SHANK2: variants seen among roughly 807,000 people sequenced by gnomAD.
The protein encoded by SHANK2 is SH3 and multiple ankyrin repeat domains protein 2.
SHANK2 carries 43 observed loss-of-function variants against 133.7 expected under a neutral mutation model. The observed-to-expected ratio is 0.32, with a 90% CI of 0.25 to 0.41. The LOEUF (loss-of-function observed/expected upper bound fraction) is 0.41, where lower values mean the gene tolerates loss of function less well. Among genes scored for constraint, SHANK2 ranks in the 10% least tolerant of loss-of-function variants. SHANK2 has a pLI of 1.00. For missense variants in SHANK2, 1,994 were observed against 2,235.8 expected, an observed-to-expected ratio of 0.89 and a Z score of 2.18; for synonymous variants, 1,017 against 952.8, an observed-to-expected ratio of 1.07 and a Z score of -1.24.
intron 10 of SHANK2, among the ~76,000 whole-genome samples, chr11:70,921,523 C>T (rs554459384): frequency 1.3e-4 from 20 of 152,324 alleles, no homozygotes; most frequent in African/African-American, 4.3e-4. Flanking sequence ...ATGAGGCATT[C>T]GGCTGCTTTT....
rs141671542 is a variant in SHANK2 at position 71,153,060 on chromosome 11, C to T, written c.-12-5722G>A. Among the ~76,000 whole-genome samples the T allele has an allele frequency of 7.3e-3, 1,119 of 152,254 alleles. 15 individuals carry two copies. The highest frequency in any genetic ancestry group is 0.026 in the African/African-American group (1,070 of 41,548). On this transcript the variant is annotated intron_variant, in intron 2 of 25. Transcript: ENST00000601538. ...TCTGAAATTCAGGCAGAACTGGATG[C>T]GCTGCGTTTTATCTGGCAACACCAT...
intron 10 of SHANK2, among the ~76,000 whole-genome samples, chr11:70,919,748 T>A (rs1175336246): frequency 2.0e-5 from 3 of 152,140 alleles, no homozygotes; most frequent in Non-Finnish European, 4.4e-5. Context: ...ACCCCAGCCC[T>A]CTCCCCAACC....
At chr11:70,618,708 T>C (rs1463924794) in intron 17 of SHANK2, among the ~76,000 whole-genome samples, 4 of 152,222 alleles carry the variant, frequency 2.6e-5, no homozygotes, top group Admixed American at 2.0e-4. Context: ...AATCAGCCCA[T>C]GCGGAAACCC....
rs561735908 is a variant in SHANK2 at position 70,739,909 on chromosome 11, C to T, written c.1778-41146G>A. 1.3e-5 allele frequency among the ~76,000 whole-genome samples: 2 copies of T among 152,372 alleles called. No homozygotes were observed. The highest frequency in any genetic ancestry group is 2.1e-4 in the South Asian group (1 of 4,834). ...AGAGCCGCCGCAGAGGATGATGATCCCGAATCCTGGCATTCGGTGGCACGC... is the reference window on the plus strand; with the variant it reads ...AGAGCCGCCGCAGAGGATGATGATCTCGAATCCTGGCATTCGGTGGCACGC... On this transcript the variant is annotated intron_variant, in intron 14 of 25. Coordinates refer to ENST00000601538, the MANE Select transcript of SHANK2 (RefSeq NM_012309.5). This position sits in a 1 kb window ranked among gnomAD's most constrained non-coding sequence, Gnocchi z 4.3.
rs527710326 is a variant in SHANK2, at chr11:70,822,102, A to G, written c.1175-1420T>C. The stretch of plus-strand genomic sequence containing the variant: ...AGACCTCCTGAAAGGCAGCCCTCCA[A>G]GCTCCGCAGGAAACAGCAGAAACCA... On this transcript the variant is annotated intron_variant, in intron 11 of 25. Transcript: ENST00000601538. Among the ~76,000 whole-genome samples the G allele has an allele frequency of 5.3e-5, 8 of 152,304 alleles. No homozygotes were observed. In the South Asian group the frequency reaches 1.7e-3, roughly 32 times the overall value.
intron 1 of SHANK2, among the ~76,000 whole-genome samples, chr11:71,241,405 CT>C (rs1319039001): frequency 2.6e-5 from 4 of 152,140 alleles, no homozygotes; most frequent in African/African-American, 4.8e-5. Context: ...CCCGCTTCCC[CT>C]GCCCCACACA....
At chr11:70,767,359 A>G (rs570594013) in intron 14 of SHANK2, among the ~76,000 whole-genome samples, 1 of 152,352 alleles carries the variant, frequency 6.6e-6, no homozygotes, top group South Asian at 2.1e-4. Flanking sequence ...AGGCACACCC[A>G]AAAGAAAAAG....
At chr11:70,930,305 C>T (rs1374001369) in intron 10 of SHANK2, among the ~76,000 whole-genome samples, 3 of 152,130 alleles carry the variant, frequency 2.0e-5, no homozygotes, top group African/African-American at 4.8e-5. Flanking sequence ...GCCCAGAGAA[C>T]CACAATGTCT....
At chr11:70,792,191 C>T (rs1555048164) in intron 14 of SHANK2, among the ~76,000 whole-genome samples, 1 of 151,500 alleles carries the variant, frequency 6.6e-6, no homozygotes, top group East Asian at 1.9e-4. Context: ...AGCCAGACAG[C>T]TAATCAACCA....
chr11:71,111,290 T>G (rs1255642817), intron 5 of SHANK2, among the ~76,000 whole-genome samples: 1 of 152,124 alleles, frequency 6.6e-6, no homozygotes, highest in Non-Finnish European at 1.5e-5. Context: ...GGCCCGCAGA[T>G]TGGTACTTAA....
At chr11:70,508,080 G>C (rs1554968714) in intron 17 of SHANK2, among the ~76,000 whole-genome samples, 1 of 152,212 alleles carries the variant, frequency 6.6e-6, no homozygotes, top group Non-Finnish European at 1.5e-5. Context: ...CTATCATACA[G>C]GCCCAGGACA....
rs149339180 is a variant in SHANK2, at chr11:70,666,698, G to A, written c.1854-5020C>T. Among the ~76,000 whole-genome samples the A allele has an allele frequency of 8.7e-3, 1,325 of 152,220 alleles. 14 individuals are homozygous for A. The highest frequency in any genetic ancestry group is 0.02 in the African/African-American group (833 of 41,524). On this transcript the variant is annotated intron_variant, in intron 15 of 25. Coordinates refer to ENST00000601538, the MANE Select transcript of SHANK2 (RefSeq NM_012309.5). ...GGGGAAATGACCGAGGCGCCTACACGTTCCCCACGCTGTGTTGGGACAGCC... is the reference window on the plus strand; with the variant it reads ...GGGGAAATGACCGAGGCGCCTACACATTCCCCACGCTGTGTTGGGACAGCC...
chr11:71,066,039 G>GC (rs1590879293), intron 9 of SHANK2, among the ~76,000 whole-genome samples: 6 of 22,198 alleles, frequency 2.7e-4, no homozygotes, highest in Non-Finnish European at 6.2e-4. Flanking sequence ...GGGAAGTTGG[G>GC]GGAGGGTACA....
At chr11:70,738,725 C>G (rs943852345) in intron 14 of SHANK2, among the ~76,000 whole-genome samples, 2 of 152,214 alleles carry the variant, frequency 1.3e-5, no homozygotes, top group African/African-American at 4.8e-5. Flanking sequence ...CAGGCTATGT[C>G]CCCTGACAAT....
chr11:71,236,102 G>A (rs1474472276), intron 1 of SHANK2, among the ~76,000 whole-genome samples: 3 of 152,158 alleles, frequency 2.0e-5, no homozygotes, highest in Non-Finnish European at 2.9e-5. Context: ...AGGCAGGACC[G>A]GACTGAGGGT....
At chr11:70,526,998 C>T (rs1039509967) in intron 17 of SHANK2, among the ~76,000 whole-genome samples, 10 of 152,178 alleles carry the variant, frequency 6.6e-5, no homozygotes, top group African/African-American at 1.7e-4. Flanking sequence ...GCTGACCAGA[C>T]GCTCCCAGTC....
At chr11:70,605,256 G>A (rs1038275899) in intron 17 of SHANK2, among the ~76,000 whole-genome samples, 17 of 152,334 alleles carry the variant, frequency 1.1e-4, no homozygotes, top group African/African-American at 3.8e-4. Flanking sequence ...CCACTCCATC[G>A]TTGTGAGCCC....
At chr11:71,164,007 C>G (rs1953085869) in intron 2 of SHANK2, among the ~76,000 whole-genome samples, 1 of 152,212 alleles carries the variant, frequency 6.6e-6, no homozygotes, top group Non-Finnish European at 1.5e-5. Context: ...TCTGCTCTAA[C>G]AAACCTGTTG....
intron 3 of SHANK2, among the ~76,000 whole-genome samples, chr11:71,139,093 G>A (rs369504024): frequency 2.0e-5 from 3 of 152,132 alleles, no homozygotes; most frequent in Admixed American, 6.5e-5. Flanking sequence ...GAAGATGCAC[G>A]TGCTTTATAA....
Sources: allele counts gnomAD v4.1 joint callset (sites outside exome capture counted in the v4.1 genomes callset), GRCh38; gene constraint gnomAD v4.1.1; non-coding constraint Gnocchi (gnomAD v3.1); transcripts MANE v1.5; gene names NCBI Gene and HGNC (gene_info 2026-07-23, HGNC 2026-07-21).